Variants in DOCK9 observed in about 807,000 individuals in gnomAD.
The protein encoded by DOCK9 is dedicator of cytokinesis 9, also known as dedicator of cytokinesis protein 9.
DOCK9 carries 89 observed loss-of-function variants against 263.3 expected under a neutral mutation model. The observed-to-expected ratio is 0.34, with a 90% CI of 0.28 to 0.40. The LOEUF (loss-of-function observed/expected upper bound fraction) is 0.40. Ranked by LOEUF, DOCK9 falls within the 10% of genes least tolerant of loss-of-function variation. The pLI, the probability that DOCK9 is intolerant of heterozygous loss-of-function variation, is 1.00. For synonymous variants in DOCK9, 976 were observed against 973.1 expected, an observed-to-expected ratio of 1.00 and a Z score of -0.06; for missense variants, 2,140 against 2,603.4, an observed-to-expected ratio of 0.82 and a Z score of 3.87.
intron 38 of DOCK9, among the ~76,000 whole-genome samples, chr13:98,838,966 T>C (rs1344867371): frequency 6.6e-6 from 1 of 152,194 alleles, no homozygotes; most frequent in Non-Finnish European, 1.5e-5. Flanking sequence ...GTACATATTA[T>C]TGGGAGAAAA....
At chr13:99,005,022 T>C (rs141215508) in intron 1 of DOCK9, among the ~76,000 whole-genome samples, 515 of 152,232 alleles carry the variant, frequency 3.4e-3, no homozygotes, top group African/African-American at 0.012. Context: ...GCTAGCACCT[T>C]TGCTTATATT....
intron 45 of DOCK9, among the ~76,000 whole-genome samples, chr13:98,819,765 C>T (rs928673084): frequency 3.2e-4 from 49 of 152,202 alleles, no homozygotes; most frequent in Admixed American, 2.0e-4. Flanking sequence ...TTAACCACCA[C>T]GCTTGGATGA....
chr13:98,872,987 G>A (rs1305813190), intron 27 of DOCK9, among the ~76,000 whole-genome samples: 1 of 152,188 alleles, frequency 6.6e-6, no homozygotes, highest in Non-Finnish European at 1.5e-5. Context: ...CTTGTTGCTG[G>A]GGGATGTGGG....
At chr13:99,082,898 A>C (rs2042185075) in intron 1 of DOCK9, among the ~76,000 whole-genome samples, 1 of 152,230 alleles carries the variant, frequency 6.6e-6, no homozygotes, top group Non-Finnish European at 1.5e-5. Flanking sequence ...CCCATGCTCT[A>C]AACTACTAAA....
chr13:98,857,974 C>G (rs999539746), intron 33 of DOCK9: 1 of 152,092 alleles, frequency 6.6e-6, no homozygotes, highest in Non-Finnish European at 1.5e-5. Flanking sequence ...TTGAAGAACA[C>G]AGAAGTCATG....
chr13:98,885,926 T>G, intron 19 of DOCK9, 95 bp from the exon 20 acceptor site: 1 of 1,213,776 alleles, frequency 8.2e-7, no homozygotes, highest in Non-Finnish European at 1.1e-6. Context: ...CGCATAAACG[T>G]GCACTTGTTC....
chr13:98,794,445 T>C lies in DOCK9; in HGVS notation c.*181A>G, dbSNP rs1302251900. On this transcript the variant is annotated 3_prime_UTR_variant, in exon 53 of 53. Transcript: ENST00000682017. ...ATTGCCAGTGAGATTTAAAAAAATA[T>C]GTGCACCTTCTTACAACTCCTATAG... is the stretch of plus-strand genomic sequence containing the variant. 1.2e-5 allele frequency: 8 copies of C among 642,872 alleles called. No homozygotes were observed. Among genetic ancestry groups the C allele is most frequent in the Admixed American group, 1.0e-4 (3 of 29,634 alleles). The allele number at this position is 642,872 out of a possible 1,614,324, so 39.8% of individuals were successfully genotyped here. A position where few individuals can be genotyped will look rare whatever the true frequency, so the allele number is the denominator to read the frequency against.
intron 27 of DOCK9, among the ~76,000 whole-genome samples, chr13:98,876,751 A>C (rs1405635467): frequency 2.0e-5 from 3 of 152,268 alleles, no homozygotes; most frequent in African/African-American, 7.2e-5. Flanking sequence ...AGGAGCTCTC[A>C]GCTCAATAAT....
intron 1 of DOCK9, among the ~76,000 whole-genome samples, chr13:99,050,565 C>A (rs1330278545): frequency 6.6e-6 from 1 of 151,982 alleles, no homozygotes; most frequent in Non-Finnish European, 1.5e-5. Flanking sequence ...TGGTGGCGGG[C>A]GCCTGTAATC....
At chr13:98,884,038 G>T in intron 21 of DOCK9, 139 bp from the exon 22 acceptor site, 1 of 603,844 alleles carries the variant, frequency 1.7e-6, no homozygotes, top group African/African-American at 1.9e-5. Context: ...CCGGGCCCAT[G>T]GCAGGAATGC....
At chr13:98,987,611 C>T (rs1317034169) in intron 1 of DOCK9, among the ~76,000 whole-genome samples, 1 of 152,226 alleles carries the variant, frequency 6.6e-6, no homozygotes, top group African/African-American at 2.4e-5. Context: ...GAAGTCAATA[C>T]TTTTTTATTA....
At chr13:98,870,035 C>A (rs1182831280) in intron 27 of DOCK9, among the ~76,000 whole-genome samples, 2 of 152,238 alleles carry the variant, frequency 1.3e-5, no homozygotes, top group Non-Finnish European at 2.9e-5. Flanking sequence ...GAGAAATGAA[C>A]CTTCTGTCGA....
At chr13:99,021,028 T>C (rs551901451) in intron 1 of DOCK9, among the ~76,000 whole-genome samples, 1 of 152,356 alleles carries the variant, frequency 6.6e-6, no homozygotes, top group East Asian at 1.9e-4. Flanking sequence ...ATTTCATAAA[T>C]CAAGGCAGTG....
Position 98,825,987 on chromosome 13 carries a change from A to T in DOCK9, c.5023+843T>A. The T allele has an allele frequency of 7.1e-7, 1 of 1,415,526 alleles. No homozygotes were observed. The highest frequency in any genetic ancestry group is 9.4e-7 in the Non-Finnish European group (1 of 1,068,578). The allele number at this position is 1,415,526 out of a possible 1,614,324, so 87.7% of individuals were successfully genotyped here. A position where few individuals can be genotyped will look rare whatever the true frequency, so the allele number is the denominator to read the frequency against. On this transcript the variant is annotated intron_variant, in intron 44 of 52. Transcript: ENST00000682017. This position sits in a 1 kb window ranked among gnomAD's most constrained non-coding sequence, Gnocchi z 4.1. ...ACCTGATAAAAGGTCTCAACAGGAA[A>T]TAGTACCGGTATTAAATGAACATGG...
At chr13:98,918,125 AG>A (rs1297843364) in intron 7 of DOCK9, among the ~76,000 whole-genome samples, 2 of 152,254 alleles carry the variant, frequency 1.3e-5, no homozygotes, top group Non-Finnish European at 2.9e-5. Flanking sequence ...GTTTTCAGAT[AG>A]GGGACAAAAG....
chr13:98,902,019 C>CA, intron 12 of DOCK9, 119 bp from the exon 13 acceptor site: 1 of 1,266,594 alleles, frequency 7.9e-7, no homozygotes, highest in Non-Finnish European at 1.1e-6. Context: ...CACCCAGTGC[C>CA]AAACTAGTTA....
At chr13:98,816,215 T>C (rs1416820093) in intron 45 of DOCK9, among the ~76,000 whole-genome samples, 1 of 152,138 alleles carries the variant, frequency 6.6e-6, no homozygotes, top group Admixed American at 6.5e-5. Context: ...TTTTGGATGG[T>C]CTATTAGGCT....
At chr13:98,852,067 G>GTTCTTA (rs1294438805) in intron 35 of DOCK9, among the ~76,000 whole-genome samples, 5 of 152,084 alleles carry the variant, frequency 3.3e-5, no homozygotes, top group Admixed American at 6.6e-5. Flanking sequence ...TCAAAAAGCA[G>GTTCTTA]TTATGTTCTT....
intron 1 of DOCK9, among the ~76,000 whole-genome samples, chr13:99,068,747 A>C (rs760263136): frequency 2.3e-4 from 35 of 152,344 alleles, no homozygotes; most frequent in Admixed American, 1.6e-3. Flanking sequence ...TCTTATAAGA[A>C]TAGCGAAGGA....
Sources: gnomAD v4.1 joint callset for allele counts (sites outside exome capture counted in the v4.1 genomes callset) on GRCh38, gnomAD v4.1.1 for gene constraint, Gnocchi (gnomAD v3.1) non-coding constraint, MANE v1.5 for transcripts, NCBI Gene and HGNC (gene_info 2026-07-23, HGNC 2026-07-21) for gene names.